The following JAKMIP3 variants were observed in gnomAD, a reference collection of about 807,000 sequenced individuals.
The protein encoded by JAKMIP3 is janus kinase and microtubule-interacting protein 3.
A neutral mutation model predicts 118.5 loss-of-function variants in JAKMIP3; 58 were observed. The ratio of observed to expected loss-of-function variants is 0.49; its 90% CI spans 0.40 to 0.61. The LOEUF is 0.61. JAKMIP3 is among the 20% of genes least tolerant of loss of function. The pLI, the probability that JAKMIP3 is intolerant of heterozygous loss-of-function variation, is 0.00. For synonymous variants in JAKMIP3, 486 were observed against 451.2 expected (o/e 1.08, Z -0.98); for missense variants, 950 against 1,109.0 (o/e 0.86, Z 2.04).
chr10:132,166,940 CTT>C (rs2058970165), intron 21 of JAKMIP3, 41 bp from the exon 22 acceptor site: 1 of 1,390,128 alleles, frequency 7.2e-7, no homozygotes, highest in Non-Finnish European at 1.0e-6. Flanking sequence ...TCTTTTTTCT[CTT>C]TCTTTCCTTC....
chr10:132,144,928 C>CA (rs201179686), intron 11 of JAKMIP3, among the ~76,000 whole-genome samples, 179 bp from the exon 12 acceptor site: 1,893 of 149,476 alleles, frequency 0.013, 31 homozygotes, highest in African/African-American at 0.043. Context: ...AACCCTGTCT[C>CA]AAAAAAAAAC....
chr10:132,037,720 T>G (rs1259705928), intron 1 of JAKMIP3, among the ~76,000 whole-genome samples: 1 of 151,702 alleles, frequency 6.6e-6, no homozygotes. Context: ...GAGGGCGGAG[T>G]GTCTCCAGGA....
At chr10:132,100,832 C>T (rs903027190) in intron 1 of JAKMIP3, among the ~76,000 whole-genome samples, 4 of 126,636 alleles carry the variant, frequency 3.2e-5, no homozygotes, top group Non-Finnish European at 7.0e-5. Context: ...CATGAGGAAC[C>T]CCTGCCGCGC....
rs71228745 is a variant in JAKMIP3 at position 132,180,618 on chromosome 10, T to TGC, written c.*1104-1738_*1104-1737insCG. 4.5e-3 allele frequency among the ~76,000 whole-genome samples: 109 copies of TGC among 24,192 alleles called. 13 individuals are homozygous for TGC. The highest frequency in any genetic ancestry group is 6.9e-3 in the Admixed American group (13 of 1,884). 15.9% of individuals were successfully genotyped at this position (24,192 alleles called of 152,430 possible). On this transcript the variant is annotated intron_variant, in intron 23 of 23. Coordinates refer to ENST00000684848, the MANE Select transcript of JAKMIP3 (RefSeq NM_001323087.2). ...GTGTGCGTGCGCGTGTGTGTGTGCG[T>TGC]GTGTGTGCGTGTGTGCGTGCGTGTG...
chr10:132,061,193 CGCACACACACACCTGCCGTGACG>C (rs1564855273), upstream of JAKMIP3, among the ~76,000 whole-genome samples: 2,019 of 117,560 alleles, frequency 0.017, 19 homozygotes, highest in Non-Finnish European at 0.028. Context: ...GCCGTGACGG[CGCACACACACACCTGCCGTGACG>C]GCGCACACAT....
chr10:132,067,490 TGTCA>T (rs2038973920), intron 1 of JAKMIP3, among the ~76,000 whole-genome samples: 1 of 152,380 alleles, frequency 6.6e-6, no homozygotes, highest in South Asian at 2.1e-4. Context: ...GCAAGGGAGC[TGTCA>T]GTCAGAGCTG....
intron 2 of JAKMIP3, among the ~76,000 whole-genome samples, chr10:132,115,043 G>C (rs372928893): frequency 6.6e-6 from 1 of 152,122 alleles, no homozygotes; most frequent in Non-Finnish European, 1.5e-5. Context: ...TGCTGTGATC[G>C]GGCGAGGGTG....
At chr10:132,124,527 C>T (rs2135499490) in intron 3 of JAKMIP3, among the ~76,000 whole-genome samples, 1 of 149,464 alleles carries the variant, frequency 6.7e-6, no homozygotes, top group Non-Finnish European at 1.5e-5. Flanking sequence ...CACCCCGGCA[C>T]ATCACAGCTG....
chr10:132,161,050 G>A (rs2058170872), intron 19 of JAKMIP3, among the ~76,000 whole-genome samples: 1 of 126,202 alleles, frequency 7.9e-6, no homozygotes, highest in Non-Finnish European at 1.7e-5. Context: ...TGTGATGCTG[G>A]GGGCGTGTCT....
At chr10:132,131,887 C>T (rs1445360102) in intron 3 of JAKMIP3, among the ~76,000 whole-genome samples, 1 of 152,160 alleles carries the variant, frequency 6.6e-6, no homozygotes, top group South Asian at 2.1e-4. Flanking sequence ...TGGGGTGCGG[C>T]GCCTGCACAG....
chr10:132,108,977 A>ACGCAAATGTATATATACATATACG (rs1470877042), intron 2 of JAKMIP3, among the ~76,000 whole-genome samples: 11 of 149,528 alleles, frequency 7.4e-5, no homozygotes, highest in Non-Finnish European at 8.9e-5. Context: ...TAAATTATAT[A>ACGCAAATGTATATATACATATACG]CGCAAATGTA....
chr10:132,104,937 G>T lies in JAKMIP3; in HGVS notation c.129G>T (p.Lys43Asn). Residue 43 changes from lysine (K) to asparagine (N), a missense_variant, in exon 2 of 24, where the codon AAG (lysine) becomes AAT (asparagine). Physicochemically the swap from Lys to Asn is moderately conservative, Grantham distance 94. Transcript: ENST00000684848. ...TDIQIELQQE[K>N]SKVSKVEREK... is the part of the protein sequence containing the mutation. ...TCCAGATCGAGCTGCAGCAGGAGAAGAGCAAGGTGGGCGCTCCCCAGACCT... is the reference window on the plus strand; with the variant it reads ...TCCAGATCGAGCTGCAGCAGGAGAATAGCAAGGTGGGCGCTCCCCAGACCT... 1 of 1,590,166 alleles carries T rather than the reference G, an allele frequency of 6.3e-7. No homozygotes were observed. The highest frequency in any genetic ancestry group is 2.3e-5 in the East Asian group (1 of 43,354).
chr10:132,061,294 A>G (rs547028216), upstream of JAKMIP3, among the ~76,000 whole-genome samples: 14 of 151,770 alleles, frequency 9.2e-5, no homozygotes, highest in African/African-American at 1.9e-4. Flanking sequence ...CCGTGACGGC[A>G]CACACACACA....
At position 132,168,237 on chromosome 10, in the gene JAKMIP3, A is replaced by G; in HGVS notation, c.*307A>G. 1.6e-6 allele frequency: 2 copies of G among 1,289,046 alleles called. No homozygotes were observed. The highest frequency in any genetic ancestry group is 1.0e-6 in the Non-Finnish European group (1 of 988,654). 79.9% of individuals were successfully genotyped at this position (1,289,046 alleles called of 1,614,324 possible). On this transcript the variant is annotated 3_prime_UTR_variant, in exon 23 of 24. Coordinates refer to ENST00000684848, the MANE Select transcript of JAKMIP3 (RefSeq NM_001323087.2). Reference sequence around the variant, plus strand: ...TCTCCCGGACGGCAGCCCCCATCCCATTTCCAGGGATGTGTAGCATTCCCT... The same window carrying G: ...TCTCCCGGACGGCAGCCCCCATCCCGTTTCCAGGGATGTGTAGCATTCCCT...
At chr10:132,058,902 G>A (rs1246157580) in intron 1 of JAKMIP3, among the ~76,000 whole-genome samples, 2 of 152,230 alleles carry the variant, frequency 1.3e-5, no homozygotes, top group African/African-American at 2.4e-5. Flanking sequence ...GATTCCGGAC[G>A]GAGCTTCTTG....
intron 3 of JAKMIP3, among the ~76,000 whole-genome samples, chr10:132,132,134 A>G (rs2050762943): frequency 6.6e-6 from 1 of 152,118 alleles, no homozygotes; most frequent in Admixed American, 6.5e-5. Flanking sequence ...GCAATTAAGG[A>G]TTTATTTTCT....
intron 1 of JAKMIP3, among the ~76,000 whole-genome samples, chr10:132,077,310 C>G (rs1324074928): frequency 6.6e-6 from 1 of 152,152 alleles, no homozygotes; most frequent in Non-Finnish European, 1.5e-5. Flanking sequence ...TGTCCGGTAC[C>G]TGCACCTGGG....
chr10:132,078,805 C>CG (rs34584089), intron 1 of JAKMIP3, among the ~76,000 whole-genome samples: 21,740 of 152,278 alleles, frequency 0.14, 1,873 homozygotes, highest in Admixed American at 0.25. Flanking sequence ...TCCCTTGGCC[C>CG]GGCCGCCAGA....
chr10:132,141,983 C>A lies in JAKMIP3; in HGVS notation c.1537C>A (p.Gln513Lys). The change falls in exon 11 of 24, where the codon CAG becomes AAG. Residue 513 changes from glutamine (Q) to lysine (K), a missense_variant. Gln to Lys is a moderately conservative substitution (Grantham distance 53, BLOSUM62 1). Transcript: ENST00000684848. ...RQLTMEYQAL[Q>K]RAYALLQEQV... ...GCTGACCATGGAGTACCAGGCCCTG[C>A]AGCGTGCCTACGCTTTGTTGCAGGA... The A allele has an allele frequency of 6.2e-7, 1 of 1,603,408 alleles. No homozygotes were observed. The highest frequency in any genetic ancestry group is 2.2e-5 in the East Asian group (1 of 44,466).
Sources: gnomAD v4.1 joint callset for allele counts (sites outside exome capture counted in the v4.1 genomes callset) on GRCh38, gnomAD v4.1.1 for gene constraint, MANE v1.5 for transcripts, NCBI Gene and HGNC (gene_info 2026-07-23, HGNC 2026-07-21) for gene names.